The following SMYD3 variants were observed in gnomAD, a reference collection of about 807,000 sequenced individuals.
SMYD3 encodes the protein SET and MYND domain containing 3, also known as histone-lysine N-methyltransferase SMYD3.
SMYD3 carries 36 observed loss-of-function variants against 57.7 expected under a neutral mutation model. The observed-to-expected ratio is 0.62, with a 90% CI of 0.48 to 0.82. The LOEUF (loss-of-function observed/expected upper bound fraction) is 0.82, where lower values mean the gene tolerates loss of function less well. Among genes scored for constraint, SMYD3 ranks in the 40% least tolerant of loss-of-function variants. The probability of loss-of-function intolerance (pLI) is 0.00; values close to 1 mark genes in which losing one functional copy is unlikely to be tolerated. For synonymous variants in SMYD3, 211 were observed against 195.0 expected, an observed-to-expected ratio of 1.08 and a Z score of -0.68; for missense variants, 515 against 538.8, an observed-to-expected ratio of 0.96 and a Z score of 0.44.
At chr1:246,444,196 C>T (rs770358931) in intron 1 of SMYD3, among the ~76,000 whole-genome samples, 5 of 151,128 alleles carry the variant, frequency 3.3e-5, no homozygotes, top group South Asian at 2.1e-4. Flanking sequence ...GCTTGATCTC[C>T]GCTCACTGAA....
At chr1:246,031,457 G>C (rs185129997) in intron 5 of SMYD3, among the ~76,000 whole-genome samples, 219 of 152,208 alleles carry the variant, frequency 1.4e-3, no homozygotes, top group Non-Finnish European at 2.5e-3. Context: ...AAGTTATGGG[G>C]CCAGGCGCAG....
chr1:246,462,903 C>T (rs947530090), intron 1 of SMYD3, among the ~76,000 whole-genome samples: 50 of 151,968 alleles, frequency 3.3e-4, no homozygotes, highest in African/African-American at 1.2e-3. Flanking sequence ...TGGTAGGGGA[C>T]AGCAAAATCA....
chr1:246,035,529 G>A (rs2059758929), intron 5 of SMYD3: 1 of 152,232 alleles, frequency 6.6e-6, no homozygotes, highest in Non-Finnish European at 1.5e-5. Context: ...CGGGCAGACA[G>A]ATGTATCCGA....
At chr1:246,228,129 C>A (rs115269913) in intron 5 of SMYD3, among the ~76,000 whole-genome samples, 1 of 152,044 alleles carries the variant, frequency 6.6e-6, no homozygotes, top group African/African-American at 2.4e-5. Flanking sequence ...GCTACCATGA[C>A]CGGCTAATTT....
chr1:246,444,360 G>T (rs1438596015), intron 1 of SMYD3, among the ~76,000 whole-genome samples: 1 of 152,028 alleles, frequency 6.6e-6, no homozygotes, highest in African/African-American at 2.4e-5. Flanking sequence ...TCCTGACCTT[G>T]TGATCCACCC....
At chr1:246,046,787 TAATAAGAGAATGTA>T (rs1374939866) in intron 5 of SMYD3, among the ~76,000 whole-genome samples, 1 of 151,312 alleles carries the variant, frequency 6.6e-6, no homozygotes, top group Non-Finnish European at 1.5e-5. Context: ...AATCCAACTC[TAATAAGAGAATGTA>T]CTTAGATACA....
intron 1 of SMYD3, among the ~76,000 whole-genome samples, chr1:246,402,344 G>C (rs543572212): frequency 1.3e-5 from 1 of 78,322 alleles, no homozygotes; most frequent in East Asian, 3.3e-4. Flanking sequence ...CAGTTAAAAT[G>C]AGTCTCGATC....
chr1:245,895,876 G>A (rs1380470946), intron 8 of SMYD3, among the ~76,000 whole-genome samples: 1 of 152,152 alleles, frequency 6.6e-6, no homozygotes, highest in Admixed American at 6.5e-5. Flanking sequence ...AGGCAATTCT[G>A]TGTTGCAGAA....
intron 5 of SMYD3, among the ~76,000 whole-genome samples, chr1:246,303,608 T>G (rs188419223): frequency 1.5e-4 from 23 of 152,340 alleles, no homozygotes; most frequent in Admixed American, 1.0e-3. Context: ...TTGTGGTGAT[T>G]GAATCTATGA....
At chr1:245,787,205 C>T (rs192559597) in intron 10 of SMYD3, among the ~76,000 whole-genome samples, 1 of 152,292 alleles carries the variant, frequency 6.6e-6, no homozygotes, top group Non-Finnish European at 1.5e-5. Flanking sequence ...AGATTCTTAA[C>T]GCTTGTGCAA....
At chr1:245,895,988 T>C (rs1340204003) in intron 8 of SMYD3, among the ~76,000 whole-genome samples, 1 of 152,254 alleles carries the variant, frequency 6.6e-6, no homozygotes, top group Non-Finnish European at 1.5e-5. Flanking sequence ...CTTAGAATTG[T>C]AGCATCAGGG....
chr1:246,424,712 CAAAT>C (rs2067190890), intron 1 of SMYD3, among the ~76,000 whole-genome samples: 1 of 152,172 alleles, frequency 6.6e-6, no homozygotes, highest in African/African-American at 2.4e-5. Context: ...TCTTCTCACT[CAAAT>C]AAGTTTTTGA....
At chr1:246,344,937 G>T (rs988851705) in intron 2 of SMYD3, among the ~76,000 whole-genome samples, 5 of 152,074 alleles carry the variant, frequency 3.3e-5, no homozygotes, top group Non-Finnish European at 7.4e-5. Context: ...ATAAATTCTG[G>T]AAACAACTTC....
At chr1:246,127,510 T>G (rs1460757292) in intron 5 of SMYD3, among the ~76,000 whole-genome samples, 1 of 152,304 alleles carries the variant, frequency 6.6e-6, no homozygotes, top group East Asian at 1.9e-4. Context: ...AATTTCTAGT[T>G]TGTTTTCTTC....
At chr1:246,219,276 C>T (rs988962602) in intron 5 of SMYD3, among the ~76,000 whole-genome samples, 7 of 152,180 alleles carry the variant, frequency 4.6e-5, no homozygotes, top group Non-Finnish European at 8.8e-5. Context: ...ATCCAGCCAG[C>T]AGAGAGAAGA....
intron 1 of SMYD3, among the ~76,000 whole-genome samples, chr1:246,464,737 AG>A (rs1206145456): frequency 6.6e-6 from 1 of 152,204 alleles, no homozygotes; most frequent in Non-Finnish European, 1.5e-5. Context: ...CACTGTGTTA[AG>A]ATTAGTCTGG....
chr1:246,332,182 C>G (rs866363187), intron 3 of SMYD3, among the ~76,000 whole-genome samples: 4 of 152,046 alleles, frequency 2.6e-5, no homozygotes, highest in Middle Eastern at 3.2e-3. Context: ...TGATATAGAC[C>G]ATAAGTCAGG....
chr1:246,043,899 G>A (rs181152768), intron 5 of SMYD3, among the ~76,000 whole-genome samples: 1 of 152,168 alleles, frequency 6.6e-6, no homozygotes, highest in African/African-American at 2.4e-5. Context: ...ATAATGACTC[G>A]CACCAACAGT....
intron 7 of SMYD3, among the ~76,000 whole-genome samples, chr1:245,926,520 G>A (rs2056385506): frequency 6.6e-6 from 1 of 152,208 alleles, no homozygotes; most frequent in Admixed American, 6.5e-5. Context: ...TATTTGGCAA[G>A]AGGGAGGATT....
Sources: allele counts gnomAD v4.1 joint callset (sites outside exome capture counted in the v4.1 genomes callset), GRCh38; gene constraint gnomAD v4.1.1; transcripts MANE v1.5; gene names NCBI Gene and HGNC (gene_info 2026-07-23, HGNC 2026-07-21).